Variants in CSMD2 observed in about 807,000 individuals in gnomAD.
CSMD2 encodes the protein CUB and sushi domain-containing protein 2.
CSMD2 carries 130 observed loss-of-function variants against 398.5 expected under a neutral mutation model. The ratio of observed to expected loss-of-function variants is 0.33; its 90% confidence interval spans 0.28 to 0.38. CSMD2 has a LOEUF of 0.38. Ranked by LOEUF, CSMD2 falls within the 10% of genes least tolerant of loss-of-function variation. The probability of loss-of-function intolerance (pLI) is 1.00; values close to 1 mark genes in which losing one functional copy is unlikely to be tolerated. For synonymous variants in CSMD2, 1,828 were observed against 1,908.5 expected, an observed-to-expected ratio of 0.96 and a Z score of 1.10; for missense variants, 3,829 against 4,764.9, an observed-to-expected ratio of 0.80 and a Z score of 5.78.
At chr1:34,009,955 T>C (rs1647192736) in intron 3 of CSMD2, among the ~76,000 whole-genome samples, 1 of 152,208 alleles carries the variant, frequency 6.6e-6, no homozygotes, top group Non-Finnish European at 1.5e-5. Flanking sequence ...CAGTCTTGCA[T>C]CCTTGCAATC....
chr1:33,533,702 G>C lies in CSMD2; in HGVS notation c.9991+94C>G. 1.3e-6 allele frequency: 1 copy of C among 793,868 alleles called. No homozygotes were observed. The highest frequency in any genetic ancestry group is 2.2e-6 in the Non-Finnish European group (1 of 463,052). 49.2% of individuals were successfully genotyped at this position (793,868 alleles called of 1,614,324 possible). A position where few individuals can be genotyped will look rare whatever the true frequency, so the allele number is the denominator to read the frequency against. ...GATGTCGGTTCGCATGGGGAGTTGT[G>C]AACTCCCTGTCATTCAGAGCATTCA... On this transcript the variant is annotated intron_variant, in intron 63 of 70. Transcript: ENST00000373381. This position sits in a 1 kb window ranked among gnomAD's most constrained non-coding sequence, Gnocchi z 4.2.
intron 10 of CSMD2, among the ~76,000 whole-genome samples, chr1:33,809,240 C>A (rs977483587): frequency 4.0e-5 from 6 of 149,780 alleles, no homozygotes; most frequent in African/African-American, 1.5e-4. Context: ...AAACAAATAA[C>A]AGGCCAAGCT....
In CSMD2 at chr1:33,519,675, C is replaced by G. The variant is rs151161296; in HGVS notation, c.10739G>C (p.Arg3580Thr). 82 of 1,613,948 alleles carry G rather than the reference C, an allele frequency of 5.1e-5. No homozygotes were observed. In the African/African-American group the frequency reaches 9.2e-4, roughly 18 times the overall value. The change falls in exon 70 of 71, where the codon AGA becomes ACA. Residue 3580 changes from arginine (R) to threonine (T), a missense_variant and splice_region_variant. Physicochemically the swap from Arg to Thr is moderately conservative, Grantham distance 71. This residue lies in a region of CSMD2 where 917 missense variants were observed against 1,199.5 expected (regional missense o/e 0.76). Transcript: ENST00000373381. This position sits in a 1 kb window ranked among gnomAD's most constrained non-coding sequence, Gnocchi z 5.6. ...GCCATTGAAAGGAACTTTGGGTCTTCTCCTGGCGATAAAAGAGGAAGTGCC... is the reference window on the plus strand; with the variant it reads ...GCCATTGAAAGGAACTTTGGGTCTTGTCCTGGCGATAAAAGAGGAAGTGCC... ...GFVLYLYKHR[R>T]RPKVPFNGYA...
chr1:33,963,576 C>T (rs191775887), intron 3 of CSMD2, among the ~76,000 whole-genome samples: 17 of 152,276 alleles, frequency 1.1e-4, no homozygotes, highest in African/African-American at 4.1e-4. Context: ...TCCTCTCTAT[C>T]CTCTCTCCCC....
At chr1:33,941,504 C>G (rs566438408) in intron 3 of CSMD2, among the ~76,000 whole-genome samples, 42 of 152,176 alleles carry the variant, frequency 2.8e-4, no homozygotes, top group Non-Finnish European at 1.8e-4. Flanking sequence ...CAATCCTCAT[C>G]ATGGAAAGAA....
At chr1:33,551,017 T>C (rs894524752) in intron 55 of CSMD2, among the ~76,000 whole-genome samples, 1 of 152,204 alleles carries the variant, frequency 6.6e-6, no homozygotes, top group African/African-American at 2.4e-5. Context: ...CACACATTTA[T>C]TGAGTCCCTG....
intron 35 of CSMD2, 144 bp from the exon 36 acceptor site, chr1:33,623,610 A>G (rs1641911052): frequency 1.6e-6 from 1 of 626,912 alleles, no homozygotes; most frequent in African/African-American, 1.8e-5. Flanking sequence ...CCCTTTCAAT[A>G]AAAGTAAGAT....
At chr1:34,076,931 ATATAT>A (rs1558342742) in intron 2 of CSMD2, among the ~76,000 whole-genome samples, 24 of 81,288 alleles carry the variant, frequency 3.0e-4, no homozygotes, top group African/African-American at 7.8e-4. Context: ...AAAAAAAAAT[ATATAT>A]ATATATATAT....
chr1:33,782,619 T>C (rs988379002), intron 12 of CSMD2, among the ~76,000 whole-genome samples: 7 of 152,150 alleles, frequency 4.6e-5, no homozygotes, highest in African/African-American at 1.4e-4. Flanking sequence ...GGTGGTAAAG[T>C]GGACCAAAAG....
chr1:33,798,590 T>G (rs576857862), intron 10 of CSMD2, among the ~76,000 whole-genome samples: 2 of 152,316 alleles, frequency 1.3e-5, no homozygotes, highest in African/African-American at 4.8e-5. Context: ...AGAGCCTGGC[T>G]GAGTCTGCAG....
intron 37 of CSMD2, among the ~76,000 whole-genome samples, chr1:33,618,566 C>A (rs1027209526): frequency 1.3e-5 from 2 of 152,148 alleles, no homozygotes; most frequent in Admixed American, 6.5e-5. Flanking sequence ...ATTCAACCTG[C>A]ACTCATTTAT....
At chr1:34,048,513 C>G (rs1397425160) in intron 2 of CSMD2, among the ~76,000 whole-genome samples, 3 of 152,216 alleles carry the variant, frequency 2.0e-5, no homozygotes, top group African/African-American at 7.2e-5. Flanking sequence ...CCCCCTCGGA[C>G]AGCTGCTCAG....
At chr1:33,695,555 C>T (rs1645394687) in intron 24 of CSMD2, among the ~76,000 whole-genome samples, 1 of 152,188 alleles carries the variant, frequency 6.6e-6, no homozygotes, top group Non-Finnish European at 1.5e-5. Flanking sequence ...GAGACCCAGT[C>T]GCTAAACCTG....
intron 3 of CSMD2, among the ~76,000 whole-genome samples, chr1:33,943,769 T>C (rs1371414787): frequency 6.6e-6 from 1 of 152,144 alleles, no homozygotes; most frequent in East Asian, 1.9e-4. Flanking sequence ...ATCTCTGGAC[T>C]CCTTGAGGGG....
chr1:33,619,134 C>A (rs1438649303), intron 37 of CSMD2, among the ~76,000 whole-genome samples: 1 of 152,166 alleles, frequency 6.6e-6, no homozygotes, highest in Non-Finnish European at 1.5e-5. Flanking sequence ...GGCACTTGTC[C>A]AGGGGCAAGG....
intron 3 of CSMD2, among the ~76,000 whole-genome samples, chr1:33,986,882 G>A (rs1413418079): frequency 6.6e-6 from 1 of 152,146 alleles, no homozygotes; most frequent in African/African-American, 2.4e-5. Context: ...ATTGCAATGT[G>A]GCACAGTAGG....
intron 2 of CSMD2, among the ~76,000 whole-genome samples, chr1:34,072,614 C>T (rs1426059486): frequency 2.6e-5 from 4 of 152,174 alleles, no homozygotes; most frequent in Non-Finnish European, 5.9e-5. Context: ...TGGACTGAGA[C>T]TCTGGCTCCA....
chr1:33,707,695 G>GCGCGCGCA (rs1172787777), intron 22 of CSMD2, among the ~76,000 whole-genome samples: 6 of 92,030 alleles, frequency 6.5e-5, no homozygotes, highest in Admixed American at 2.8e-4. Context: ...GCGCGCGCGC[G>GCGCGCGCA]CACACACACA....
intron 1 of CSMD2, among the ~76,000 whole-genome samples, chr1:34,146,956 G>A (rs139301195): frequency 6.6e-6 from 1 of 152,256 alleles, no homozygotes; most frequent in African/African-American, 2.4e-5. Flanking sequence ...AGCCATAGGA[G>A]CGAATGAAAT....
Sources: allele counts gnomAD v4.1 joint callset (sites outside exome capture counted in the v4.1 genomes callset), GRCh38; gene constraint gnomAD v4.1.1; regional missense constraint gnomAD v4.1.1; non-coding constraint Gnocchi (gnomAD v3.1); transcripts MANE v1.5; gene names NCBI Gene and HGNC (gene_info 2026-07-23, HGNC 2026-07-21).